Variants in TENM2 observed in about 807,000 individuals in gnomAD.
TENM2 encodes the protein teneurin-2.
TENM2 carries 52 observed loss-of-function variants against 245.2 expected under a neutral mutation model. The ratio of observed to expected loss-of-function variants is 0.21; its 90% CI spans 0.17 to 0.27. TENM2 has a LOEUF of 0.27. Ranked by LOEUF, TENM2 falls within the 10% of genes least tolerant of loss-of-function variation. The pLI, the probability that TENM2 is intolerant of heterozygous loss-of-function variation, is 1.00. For synonymous variants in TENM2, 1,363 were observed against 1,438.9 expected, an observed-to-expected ratio of 0.95 and a Z score of 1.19; for missense variants, 3,046 against 3,666.8, an observed-to-expected ratio of 0.83 and a Z score of 4.37.
chr5:167,499,201 A>G (rs2127553900), intron 2 of TENM2, among the ~76,000 whole-genome samples: 1 of 152,212 alleles, frequency 6.6e-6, no homozygotes, highest in East Asian at 1.9e-4. Flanking sequence ...TCTCTTAGAA[A>G]GTATCCTTTA....
intron 1 of TENM2, among the ~76,000 whole-genome samples, chr5:167,358,833 ACACACACACACACAC>A (rs1759514708): frequency 8.3e-6 from 1 of 119,782 alleles, no homozygotes; most frequent in African/African-American, 2.9e-5. Context: ...ACACACACAC[ACACACACACACACAC>A]ACACCCTGCT....
intron 2 of TENM2, among the ~76,000 whole-genome samples, chr5:167,437,216 C>T (rs1764614741): frequency 6.6e-6 from 1 of 152,148 alleles, no homozygotes. Flanking sequence ...ACCATGGGAA[C>T]CCACCTCTTG....
At chr5:168,153,075 G>A (rs1172374725) in intron 12 of TENM2, among the ~76,000 whole-genome samples, 2 of 152,140 alleles carry the variant, frequency 1.3e-5, no homozygotes, top group African/African-American at 2.4e-5. Context: ...TATCTTTAAT[G>A]CTCTAGGGTG....
chr5:167,273,173 C>T, the TENM2 span, among the ~76,000 whole-genome samples: 1 of 152,144 alleles, frequency 6.6e-6, no homozygotes, highest in Non-Finnish European at 1.5e-5. Flanking sequence ...TCGCTGTAGT[C>T]TGTTTTGCTA....
chr5:167,467,531 A>C (rs1287319089), intron 2 of TENM2, among the ~76,000 whole-genome samples: 1 of 143,674 alleles, frequency 7.0e-6, no homozygotes, highest in Admixed American at 6.9e-5. Context: ...AAAAAAAAAA[A>C]CAGTAACCTT....
At chr5:167,959,403 G>A (rs1490079701) in intron 4 of TENM2, among the ~76,000 whole-genome samples, 1 of 152,128 alleles carries the variant, frequency 6.6e-6, no homozygotes, top group South Asian at 2.1e-4. Flanking sequence ...CACTGTGTTA[G>A]CCAGGATGGT....
chr5:167,492,036 T>G (rs897730444), intron 2 of TENM2, among the ~76,000 whole-genome samples: 1 of 152,178 alleles, frequency 6.6e-6, no homozygotes, highest in African/African-American at 2.4e-5. Context: ...TATTAGTATT[T>G]TAAAGGTTAA....
intron 13 of TENM2, among the ~76,000 whole-genome samples, chr5:168,187,968 T>C (rs1019784547): frequency 6.6e-6 from 1 of 152,180 alleles, no homozygotes; most frequent in Non-Finnish European, 1.5e-5. Flanking sequence ...GGAAATTGTG[T>C]AAATCTAAAT....
At chr5:168,192,987 T>C (rs1279660340) in intron 14 of TENM2, among the ~76,000 whole-genome samples, 2 of 152,200 alleles carry the variant, frequency 1.3e-5, no homozygotes, top group East Asian at 3.8e-4. Flanking sequence ...TCCTCATCAA[T>C]GGTTACCACT....
chr5:167,348,111 C>T (rs1758581887), intron 1 of TENM2, among the ~76,000 whole-genome samples: 1 of 152,148 alleles, frequency 6.6e-6, no homozygotes, highest in Non-Finnish European at 1.5e-5. Context: ...TATAGTAGTC[C>T]TGCTCGGAGT....
At chr5:167,229,654 G>T in the TENM2 span, among the ~76,000 whole-genome samples, 1 of 152,178 alleles carries the variant, frequency 6.6e-6, no homozygotes, top group South Asian at 2.1e-4. Flanking sequence ...GCCACTGCGG[G>T]TAGACTGGGC....
the TENM2 span, among the ~76,000 whole-genome samples, chr5:167,259,169 C>G: frequency 9.2e-5 from 14 of 152,000 alleles, 1 homozygote; most frequent in Non-Finnish European, 1.5e-5. Flanking sequence ...ATATAGTAGA[C>G]CGAGGTAAAA....
At chr5:168,256,222 G>A (rs535618991) in intron 27 of TENM2, among the ~76,000 whole-genome samples, 6 of 148,878 alleles carry the variant, frequency 4.0e-5, no homozygotes, top group African/African-American at 1.3e-4. Flanking sequence ...ATGTCTATAT[G>A]TATATATATG....
At chr5:167,772,606 CT>C (rs1763474359) in intron 2 of TENM2, among the ~76,000 whole-genome samples, 3 of 151,146 alleles carry the variant, frequency 2.0e-5, no homozygotes, top group South Asian at 4.1e-4. Flanking sequence ...GAATAAAACA[CT>C]TACCAAGTAT....
chr5:167,309,804 A>G (rs530344051), intron 1 of TENM2: 1 of 152,304 alleles, frequency 6.6e-6, no homozygotes, highest in African/African-American at 2.4e-5. Context: ...AATACCATAG[A>G]GAAATGACCT....
At position 168,147,734 on chromosome 5, in the gene TENM2, G is replaced by A. The variant is rs117933244; in HGVS notation, c.2423-14877G>A. Among the ~76,000 whole-genome samples, 4 of 152,258 alleles carry A rather than the reference G, an allele frequency of 2.6e-5. No individual in the cohort carries two copies. In the East Asian group the frequency reaches 7.7e-4, roughly 29 times the overall value. ...CTGAAAGCTCCAAGTCCTTGCATGTGCCATTAATCAAGCAGGCATGCACAG... is the reference window on the plus strand; with the variant it reads ...CTGAAAGCTCCAAGTCCTTGCATGTACCATTAATCAAGCAGGCATGCACAG... On this transcript the variant is annotated intron_variant, in intron 12 of 28. Transcript: ENST00000518659.
intron 2 of TENM2, among the ~76,000 whole-genome samples, chr5:167,717,694 A>G (rs1759360802): frequency 6.6e-6 from 1 of 152,162 alleles, no homozygotes; most frequent in Non-Finnish European, 1.5e-5. Flanking sequence ...TCAGCTCTTC[A>G]ATACAATCAA....
the TENM2 span, among the ~76,000 whole-genome samples, chr5:167,189,778 T>G: frequency 6.6e-6 from 1 of 152,152 alleles, no homozygotes; most frequent in South Asian, 2.1e-4. Context: ...GTACCAAAAT[T>G]TAAATACCCA....
intron 2 of TENM2, among the ~76,000 whole-genome samples, chr5:167,838,322 C>A (rs1769191940): frequency 6.6e-6 from 1 of 152,226 alleles, no homozygotes; most frequent in South Asian, 2.1e-4. Flanking sequence ...AGCTGACTGG[C>A]TGCTGTGGGA....
Sources: gnomAD v4.1 joint callset for allele counts (sites outside exome capture counted in the v4.1 genomes callset) on GRCh38, gnomAD v4.1.1 for gene constraint, MANE v1.5 for transcripts, NCBI Gene and HGNC (gene_info 2026-07-23, HGNC 2026-07-21) for gene names.